Variants in CDC42BPB observed in about 807,000 individuals in gnomAD.
CDC42BPB encodes CDC42 binding protein kinase beta.
A neutral mutation model predicts 214.9 loss-of-function variants in CDC42BPB; 37 were observed. The ratio of observed to expected loss-of-function variants is 0.17; its 90% CI spans 0.13 to 0.23. The LOEUF (loss-of-function observed/expected upper bound fraction) is 0.23. Among genes scored for constraint, CDC42BPB ranks in the 10% least tolerant of loss-of-function variants. The pLI, the probability that CDC42BPB is intolerant of heterozygous loss-of-function variation, is 1.00. For synonymous variants in CDC42BPB, 931 were observed against 884.0 expected (o/e 1.05, Z -0.94); for missense variants, 1,694 against 2,227.0 (o/e 0.76, Z 4.82).
rs781501373 is a variant in CDC42BPB at position 102,938,398 on chromosome 14, G to C, written c.4841C>G (p.Pro1614Arg). ...LMDLPLSAVP[P>R]SQEERPGPAP... ...GGGGCCCGGCCTTTCCTCCTGGGAG[G>C]GGGGCACAGCACTCTGGGCAGAAAT... Residue 1614 changes from proline (P) to arginine (R), a missense_variant, in exon 35 of 37, where the codon CCC (proline) becomes CGC (arginine). Physicochemically the swap from Pro to Arg is moderately radical, Grantham distance 103 (BLOSUM62 -2). Around this residue, in one of 7 missense-constraint regions of CDC42BPB, gnomAD observed 146 missense variants for 134.1 expected, o/e 1.09. Transcript: ENST00000361246. 83 of 1,550,440 alleles carry C rather than the reference G, an allele frequency of 5.4e-5. No individual in the cohort carries two copies. In the Middle Eastern group the frequency reaches 7.6e-4, roughly 14 times the overall value.
rs780567611 is a variant in CDC42BPB at position 102,964,654 on chromosome 14, G to T, written c.2578-4C>A. 6.9e-6 allele frequency: 11 copies of T among 1,604,962 alleles called. No homozygotes were observed. The highest frequency in any genetic ancestry group is 1.7e-4 in the Middle Eastern group (1 of 6,042). ...GGCGCACCTTCCACAGCGGGTCCTT[G>T]AGACACGGTCATGGCGTTAAAAATG... On this transcript the variant is annotated splice_region_variant and splice_polypyrimidine_tract_variant and intron_variant, in intron 18 of 36. Coordinates refer to ENST00000361246, the MANE Select transcript of CDC42BPB (RefSeq NM_006035.4).
intron 1 of CDC42BPB, among the ~76,000 whole-genome samples, chr14:103,053,546 G>T (rs533904508): frequency 9.2e-4 from 139 of 151,898 alleles, no homozygotes; most frequent in African/African-American, 2.8e-3. Context: ...CAGATCACGA[G>T]GTCTGGAGAT....
chr14:102,946,302 C>T (rs558994852), intron 28 of CDC42BPB, among the ~76,000 whole-genome samples, 166 bp downstream of exon 28: 16 of 152,282 alleles, frequency 1.1e-4, no homozygotes, highest in Admixed American at 7.2e-4. Flanking sequence ...GGATTACAGG[C>T]GTGAGCCACC....
In CDC42BPB at chr14:103,001,512, CG is replaced by C. The variant is rs1450568845; in HGVS notation, c.448-1800del. Among the ~76,000 whole-genome samples, 1 of 152,144 alleles carries C rather than the reference CG, an allele frequency of 6.6e-6. No individual in the cohort carries two copies. Among genetic ancestry groups the C allele is most frequent in the Non-Finnish European group, 1.5e-5 (1 of 67,998 alleles). ...AAAGCGGCTAGGAGGAAAGTGGCAG[CG>C]GCACCCTGGAGCCTGCCAAAAGGGG... is the stretch of plus-strand genomic sequence containing the variant. On this transcript the variant is annotated intron_variant, in intron 4 of 36. Transcript: ENST00000361246. This position sits in a 1 kb window ranked among gnomAD's most constrained non-coding sequence, Gnocchi z 5.8.
Position 102,945,284 on chromosome 14 carries a change from G to A in CDC42BPB, c.3811+378C>T, listed in dbSNP as rs974364185. The A allele has an allele frequency of 7.6e-5, 35 of 461,988 alleles. No individual in the cohort carries two copies. In the East Asian group the frequency reaches 1.6e-3, roughly 22 times the overall value. 28.6% of individuals were successfully genotyped at this position (461,988 alleles called of 1,614,324 possible). On this transcript the variant is annotated intron_variant, in intron 29 of 36. Transcript: ENST00000361246. ...GCTCCTAGACCCAGGGCTGTGGAGC[G>A]GGTGCATGCCAGGATACCTTTGCCC...
chr14:102,959,492 G>A (rs753422837), intron 21 of CDC42BPB, 139 bp downstream of exon 21: 2 of 633,000 alleles, frequency 3.2e-6, no homozygotes, highest in Non-Finnish European at 5.5e-6. Context: ...CAATTACACA[G>A]TTAGCACAAC....
chr14:102,979,449 T>G (rs1335342002), intron 8 of CDC42BPB, among the ~76,000 whole-genome samples: 2 of 152,144 alleles, frequency 1.3e-5, no homozygotes, highest in Non-Finnish European at 2.9e-5. Flanking sequence ...TGACCTCAGG[T>G]GATCCGCCCA....
At position 103,032,537 on chromosome 14, in the gene CDC42BPB, A is replaced by AAC. The variant is rs1393977844; in HGVS notation, c.176-20350_176-20349insGT. Among the ~76,000 whole-genome samples the AAC allele has an allele frequency of 4.3e-3, 512 of 117,862 alleles. 4 individuals are homozygous for AAC. Among genetic ancestry groups the AAC allele is most frequent in the African/African-American group, 0.028 (494 of 17,378 alleles). The allele number at this position is 117,862 out of a possible 152,430, so 77.3% of individuals were successfully genotyped here. A position where few individuals can be genotyped will look rare whatever the true frequency, so the allele number is the denominator to read the frequency against. On this transcript the variant is annotated intron_variant, in intron 1 of 36. Coordinates refer to ENST00000361246, the MANE Select transcript of CDC42BPB (RefSeq NM_006035.4). ...CCAATTCTTCCACAAATAAACTGCAAAAAAAAAAAAAAAAAAAAAGGAGAG... is the reference window on the plus strand; with the variant it reads ...CCAATTCTTCCACAAATAAACTGCAAACAAAAAAAAAAAAAAAAAAAGGAGAG...
intron 21 of CDC42BPB, among the ~76,000 whole-genome samples, chr14:102,956,863 G>A (rs1203493929): frequency 6.6e-6 from 1 of 150,826 alleles, no homozygotes; most frequent in Admixed American, 6.6e-5. Context: ...TTTATGTTAT[G>A]TGTGCTTATA....
chr14:103,005,428 G>A (rs113592900), intron 3 of CDC42BPB, among the ~76,000 whole-genome samples: 6,097 of 152,186 alleles, frequency 0.04, 227 homozygotes, highest in Admixed American at 0.11. Context: ...TTCCTTTCAG[G>A]CTGGCCATGG....
intron 1 of CDC42BPB, 83 bp from the exon 2 acceptor site, chr14:103,012,271 A>G (rs1235668213): frequency 2.7e-6 from 4 of 1,480,806 alleles, no homozygotes; most frequent in Admixed American, 2.5e-5. Flanking sequence ...GTGTTGCACT[A>G]AGTTATACTT....
intron 21 of CDC42BPB, among the ~76,000 whole-genome samples, chr14:102,955,435 A>G (rs1314218981): frequency 6.6e-6 from 1 of 152,248 alleles, no homozygotes; most frequent in Non-Finnish European, 1.5e-5. Context: ...AAAGAGAAAG[A>G]AGAAAAGATC....
chr14:103,041,860 G>A, intron 1 of CDC42BPB: 1 of 397,864 alleles, frequency 2.5e-6, no homozygotes, highest in South Asian at 2.3e-5. Context: ...GAAGCCCTCG[G>A]CCACCAGGAA....
chr14:102,967,040 A>T lies in CDC42BPB; in HGVS notation c.2471+6T>A. ...TTCACGGCCGCTAATGGGGCCGCGC[A>T]CGTACCACTGAATGATTTCCGCAAT... On this transcript the variant is annotated splice_donor_region_variant and intron_variant, in intron 17 of 36. Transcript: ENST00000361246. 1.2e-6 allele frequency: 2 copies of T among 1,613,504 alleles called. No homozygotes were observed. Among genetic ancestry groups the T allele is most frequent in the Non-Finnish European group, 1.7e-6 (2 of 1,179,950 alleles).
chr14:102,959,655 A>T lies in CDC42BPB; in HGVS notation c.2877T>A (p.Pro959=). The T allele has an allele frequency of 1.9e-6, 3 of 1,610,268 alleles. No individual in the cohort carries two copies. Among genetic ancestry groups the T allele is most frequent in the Non-Finnish European group, 2.5e-6 (3 of 1,178,038 alleles). The change falls in exon 21 of 37, where the codon CCT becomes CCA. Residue 959 remains proline (P), a synonymous_variant. Coordinates refer to ENST00000361246, the MANE Select transcript of CDC42BPB (RefSeq NM_006035.4). ...CTCTAAATGTCAGGTCATGTGCAAGAGGAGCAGTGTTGAAATACTCAAAAA... is the reference window on the plus strand; with the variant it reads ...CTCTAAATGTCAGGTCATGTGCAAGTGGAGCAGTGTTGAAATACTCAAAAA... ...DSIFEYFNTA[P]LAHDLTFRTS...
chr14:102,953,662 G>T (rs1438376106), intron 23 of CDC42BPB, among the ~76,000 whole-genome samples: 1 of 152,246 alleles, frequency 6.6e-6, no homozygotes, highest in African/African-American at 2.4e-5. Flanking sequence ...GAAAGAAAAG[G>T]GGATGTTACA....
chr14:103,004,227 G>C lies in CDC42BPB; in HGVS notation c.352-204C>G. On this transcript the variant is annotated intron_variant, in intron 3 of 36. Coordinates refer to ENST00000361246, the MANE Select transcript of CDC42BPB (RefSeq NM_006035.4). The surrounding 1 kb of genome is among the most constrained non-coding windows in gnomAD (Gnocchi z 5.3). ...CTCCCAAGCCCCGTGCAAGTGCCAAGGGCTGCTGAGGAGGCACTTGCACCC... is the reference window on the plus strand; with the variant it reads ...CTCCCAAGCCCCGTGCAAGTGCCAACGGCTGCTGAGGAGGCACTTGCACCC... The C allele has an allele frequency of 7.7e-7, 1 of 1,290,578 alleles. No homozygotes were observed. The highest frequency in any genetic ancestry group is 9.9e-7 in the Non-Finnish European group (1 of 1,010,940). 79.9% of individuals were successfully genotyped at this position (1,290,578 alleles called of 1,614,324 possible).
chr14:103,017,077 T>C (rs1389315497), intron 1 of CDC42BPB, among the ~76,000 whole-genome samples: 2 of 152,162 alleles, frequency 1.3e-5, no homozygotes, highest in African/African-American at 2.4e-5. Flanking sequence ...ATCCCAGCAC[T>C]TTGGGAGGCT....
chr14:102,983,198 G>A (rs905049639), intron 7 of CDC42BPB, among the ~76,000 whole-genome samples: 5 of 152,112 alleles, frequency 3.3e-5, no homozygotes, highest in Non-Finnish European at 4.4e-5. Context: ...GGCTACCCCC[G>A]GGCGCCTCAC....
Sources: allele counts gnomAD v4.1 joint callset (sites outside exome capture counted in the v4.1 genomes callset), GRCh38; gene constraint gnomAD v4.1.1; regional missense constraint gnomAD v4.1.1; non-coding constraint Gnocchi (gnomAD v3.1); transcripts MANE v1.5; gene names NCBI Gene and HGNC (gene_info 2026-07-23, HGNC 2026-07-21).